LANCL3: variants seen among roughly 807,000 people sequenced by gnomAD.
The protein encoded by LANCL3 is lanC-like protein 3.
Under a neutral mutation model 26.5 loss-of-function variants are expected in LANCL3, and 19 were observed. The observed-to-expected ratio is 0.72, with a 90% CI of 0.50 to 1.05. The LOEUF is 1.05. LANCL3 is among the 50% of genes least tolerant of loss of function. The pLI, the probability that LANCL3 is intolerant of heterozygous loss-of-function variation, is 0.00. For missense variants in LANCL3, 318 were observed against 362.7 expected, an observed-to-expected ratio of 0.88 and a Z score of 1.00; for synonymous variants, 160 against 166.6, an observed-to-expected ratio of 0.96 and a Z score of 0.30.
intron 1 of LANCL3, among the ~76,000 whole-genome samples, chrX:37,593,672 A>G (rs1924350597): frequency 8.9e-6 from 1 of 112,160 alleles, no homozygotes; most frequent in South Asian, 3.7e-4. Flanking sequence ...CATCAAGAAA[A>G]TAAATGAGGG....
Position 37,667,445 on chromosome X carries a change from G to A in LANCL3, c.1059G>A (p.Leu353=), listed in dbSNP as rs201070583. ...VAGSAYVFLL[L]YRLTGNSKYI... ...GCAGTGCCTATGTCTTCCTGCTGCTGTACCGGCTCACGGGAAACTCTAAAT... is the reference window on the plus strand; with the variant it reads ...GCAGTGCCTATGTCTTCCTGCTGCTATACCGGCTCACGGGAAACTCTAAAT... The change falls in exon 4 of 5, where the codon CTG becomes CTA. Residue 353 remains leucine (L), a synonymous_variant. Transcript: ENST00000378619. 9 of 1,195,342 alleles carry A rather than the reference G, an allele frequency of 7.5e-6. No homozygotes were observed. Among genetic ancestry groups the A allele is most frequent in the Non-Finnish European group, 2.2e-6 (2 of 889,097 alleles).
chrX:37,599,177 A>G (rs1556419781), intron 1 of LANCL3, among the ~76,000 whole-genome samples: 1 of 112,053 alleles, frequency 8.9e-6, no homozygotes, highest in Non-Finnish European at 1.9e-5. Flanking sequence ...TTTATGAACA[A>G]TTAGACTGAG....
chrX:37,683,763 A>G lies in LANCL3; in HGVS notation c.*7950A>G, dbSNP rs1450097643. 8.9e-6 allele frequency: 1 copy of G among 112,073 alleles called. No homozygotes were observed. Among genetic ancestry groups the G allele is most frequent in the East Asian group, 2.8e-4 (1 of 3,613 alleles). The allele number at this position is 112,073 out of a possible 1,213,427, so 9.2% of individuals were successfully genotyped here. A position where few individuals can be genotyped will look rare whatever the true frequency, so the allele number is the denominator to read the frequency against. On this transcript the variant is annotated 3_prime_UTR_variant, in exon 5 of 5. Transcript: ENST00000378619. The stretch of plus-strand genomic sequence containing the variant: ...TACTACTGTATTTTATAATAAAACC[A>G]AATTCTCAAGTATTCTGGTATGTTA...
chrX:37,594,539 T>C (rs1924371346), intron 1 of LANCL3, among the ~76,000 whole-genome samples: 1 of 112,280 alleles, frequency 8.9e-6, no homozygotes, highest in Non-Finnish European at 1.9e-5. Context: ...ATGGGACTTA[T>C]GGCCCCCAAT....
intron 3 of LANCL3, among the ~76,000 whole-genome samples, chrX:37,665,808 T>C (rs1926532294): frequency 8.9e-6 from 1 of 112,487 alleles, no homozygotes; most frequent in Admixed American, 9.4e-5. Context: ...GAGTATGGGC[T>C]GTAGGCCTGC....
chrX:37,660,903 ATG>A (rs1184641637), intron 3 of LANCL3, among the ~76,000 whole-genome samples: 1 of 110,449 alleles, frequency 9.1e-6, no homozygotes, highest in Non-Finnish European at 1.9e-5. Context: ...GAAGTTCAAA[ATG>A]TGTGCTTGTA....
At chrX:37,593,138 G>C (rs1556419168) in intron 1 of LANCL3, among the ~76,000 whole-genome samples, 4 of 111,446 alleles carry the variant, frequency 3.6e-5, no homozygotes, top group African/African-American at 1.3e-4. Context: ...GTCAAAAAGA[G>C]GGAATGAACC....
rs150944358 is a variant in LANCL3, at chrX:37,591,571, G to A, written c.573+19128G>A. On this transcript the variant is annotated intron_variant, in intron 1 of 4. Transcript: ENST00000378619. ...TCCAAGGAGAAACCAGTATAAGAAT[G>A]GGGAAAGTAGGAAGCAGTGAATGGA... is the stretch of plus-strand genomic sequence containing the variant. Among the ~76,000 whole-genome samples the A allele has an allele frequency of 7.8e-3, 866 of 110,943 alleles. 5 individuals carry two copies. The highest frequency in any genetic ancestry group is 0.027 in the African/African-American group (821 of 30,495).
At chrX:37,583,249 G>T (rs782188809) in intron 1 of LANCL3, among the ~76,000 whole-genome samples, 2 of 111,906 alleles carry the variant, frequency 1.8e-5, no homozygotes, top group Admixed American at 9.5e-5. Flanking sequence ...GTCAGGTAGC[G>T]TGATGCCTCC....
intron 1 of LANCL3, among the ~76,000 whole-genome samples, chrX:37,652,209 GCCACT>G (rs1926166778): frequency 9.0e-6 from 1 of 111,175 alleles, no homozygotes; most frequent in African/African-American, 3.3e-5. Context: ...AGCAAAGACT[GCCACT>G]TCCTGTAGGT....
intron 1 of LANCL3, among the ~76,000 whole-genome samples, chrX:37,645,581 G>A (rs1242817918): frequency 8.9e-6 from 1 of 112,417 alleles, no homozygotes; most frequent in African/African-American, 3.2e-5. Context: ...CCTTTTCTGG[G>A]TAATCTAATC....
At chrX:37,650,660 T>A (rs1556428543) in intron 1 of LANCL3, among the ~76,000 whole-genome samples, 2 of 107,394 alleles carry the variant, frequency 1.9e-5, no homozygotes, top group Non-Finnish European at 3.8e-5. Context: ...GAGCTACTTT[T>A]CTTTAACTTT....
intron 1 of LANCL3, among the ~76,000 whole-genome samples, chrX:37,593,524 C>G (rs2146720838): frequency 8.9e-6 from 1 of 112,036 alleles, no homozygotes; most frequent in South Asian, 3.7e-4. Flanking sequence ...AAAAAATACA[C>G]AGATAAAAGT....
At chrX:37,628,701 G>A (rs1387949474) in intron 1 of LANCL3, among the ~76,000 whole-genome samples, 1 of 101,619 alleles carries the variant, frequency 9.8e-6, no homozygotes, top group African/African-American at 3.6e-5. Context: ...TGTGGTGTTT[G>A]GTTTTTTGTC....
At chrX:37,667,786 C>T (rs1219520247) in intron 4 of LANCL3, among the ~76,000 whole-genome samples, 2 of 111,428 alleles carry the variant, frequency 1.8e-5, no homozygotes, top group Admixed American at 9.6e-5. Context: ...GCAGGCTCTA[C>T]AAGAAGCATC....
intron 1 of LANCL3, among the ~76,000 whole-genome samples, chrX:37,650,709 C>T (rs1057014184): frequency 6.5e-5 from 7 of 107,286 alleles, no homozygotes; most frequent in Non-Finnish European, 1.2e-4. Flanking sequence ...ATATCTGCTG[C>T]AGTCTCCTTT....
chrX:37,665,217 A>G (rs1556433547), intron 3 of LANCL3, among the ~76,000 whole-genome samples: 1 of 112,376 alleles, frequency 8.9e-6, no homozygotes, highest in African/African-American at 3.2e-5. Context: ...ACCACAGAGT[A>G]CAGTCCAAGC....
At chrX:37,586,730 C>T (rs1556418087) in intron 1 of LANCL3, among the ~76,000 whole-genome samples, 3 of 111,916 alleles carry the variant, frequency 2.7e-5, no homozygotes, top group African/African-American at 9.7e-5. Flanking sequence ...AACTTCTTTG[C>T]GATGGGTTCA....
chrX:37,631,978 G>A (rs1181138260), intron 1 of LANCL3, among the ~76,000 whole-genome samples: 2 of 110,678 alleles, frequency 1.8e-5, no homozygotes, highest in African/African-American at 6.6e-5. Context: ...TCTGCTTGGT[G>A]CAGAGCTGAG....
Sources: allele counts gnomAD v4.1 joint callset (sites outside exome capture counted in the v4.1 genomes callset), GRCh38; gene constraint gnomAD v4.1.1; transcripts MANE v1.5; gene names NCBI Gene and HGNC (gene_info 2026-07-23, HGNC 2026-07-21).